RGS7: variants seen among roughly 807,000 people sequenced by gnomAD.
The protein encoded by RGS7 is regulator of G-protein signaling 7.
A neutral mutation model predicts 81.1 loss-of-function variants in RGS7; 27 were observed. That is an observed-to-expected ratio of 0.33 (90% confidence interval 0.25 to 0.46). RGS7 has a LOEUF of 0.46. RGS7 is among the 20% of genes least tolerant of loss of function. RGS7 has a pLI of 1.00. For missense variants in RGS7, 396 were observed against 607.4 expected (o/e 0.65, Z 3.66); for synonymous variants, 208 against 207.7 (o/e 1.00, Z -0.01).
intron 2 of RGS7, among the ~76,000 whole-genome samples, chr1:241,266,980 T>C (rs2077625009): frequency 6.6e-6 from 1 of 152,194 alleles, no homozygotes; most frequent in Non-Finnish European, 1.5e-5. Flanking sequence ...GCAAGTAAAG[T>C]CTGGGTCTGC....
chr1:240,802,056 T>C (rs974097568), intron 16 of RGS7, among the ~76,000 whole-genome samples: 1 of 152,166 alleles, frequency 6.6e-6, no homozygotes, highest in African/African-American at 2.4e-5. Context: ...CAGTCCCACG[T>C]GGCTAGTGAC....
chr1:241,009,044 C>T (rs1313901559), intron 3 of RGS7, among the ~76,000 whole-genome samples: 3 of 151,220 alleles, frequency 2.0e-5, no homozygotes, highest in East Asian at 3.9e-4. Flanking sequence ...TACATTGTTT[C>T]GTAAAATGTA....
chr1:240,891,197 T>C, intron 6 of RGS7, among the ~76,000 whole-genome samples: 1 of 115,624 alleles, frequency 8.6e-6, no homozygotes, highest in Non-Finnish European at 2.0e-5. Flanking sequence ...TTTTCCAGCA[T>C]CACTGGGGGG....
At chr1:240,975,906 C>T (rs966016641) in intron 4 of RGS7, among the ~76,000 whole-genome samples, 22 of 143,532 alleles carry the variant, frequency 1.5e-4, no homozygotes, top group Admixed American at 1.4e-3. Flanking sequence ...CACAGTCCTG[C>T]GTCTGTGCAT....
intron 6 of RGS7, among the ~76,000 whole-genome samples, chr1:240,879,622 T>C (rs1666049793): frequency 6.6e-6 from 1 of 152,216 alleles, no homozygotes; most frequent in African/African-American, 2.4e-5. Context: ...AACTGGAAAG[T>C]GACAAAACTT....
At chr1:241,200,897 C>T (rs1459145308) in intron 2 of RGS7, among the ~76,000 whole-genome samples, 1 of 152,200 alleles carries the variant, frequency 6.6e-6, no homozygotes, top group East Asian at 1.9e-4. Context: ...CATGTCCAGA[C>T]TTCCAAGTGC....
chr1:241,291,484 T>C (rs1278937541), intron 2 of RGS7, among the ~76,000 whole-genome samples: 1 of 151,686 alleles, frequency 6.6e-6, no homozygotes. Flanking sequence ...AGATATACTA[T>C]TAATATAAAA....
At chr1:240,946,494 G>A (rs1198993985) in intron 4 of RGS7, among the ~76,000 whole-genome samples, 1 of 151,920 alleles carries the variant, frequency 6.6e-6, no homozygotes, top group African/African-American at 2.4e-5. Flanking sequence ...GTGGTCCCAG[G>A]TACTTGGGAG....
At chr1:241,259,171 C>A (rs978503089) in intron 2 of RGS7, among the ~76,000 whole-genome samples, 1 of 152,144 alleles carries the variant, frequency 6.6e-6, no homozygotes, top group Non-Finnish European at 1.5e-5. Flanking sequence ...ACATGAACAT[C>A]CGTTCAATTT....
At position 241,227,570 on chromosome 1, in the gene RGS7, C is replaced by CAAAAAAAAAAAAAA. The variant is rs5782179; in HGVS notation, c.78+128115_78+128128dup. 3.4e-4 allele frequency among the ~76,000 whole-genome samples: 35 copies of CAAAAAAAAAAAAAA among 103,646 alleles called. 1 individual carries two copies. Among genetic ancestry groups the CAAAAAAAAAAAAAA allele is most frequent in the East Asian group, 8.4e-4 (3 of 3,584 alleles). 68.0% of individuals were successfully genotyped at this position (103,646 alleles called of 152,430 possible). On this transcript the variant is annotated intron_variant, in intron 2 of 18. Coordinates refer to ENST00000440928, the MANE Select transcript of RGS7 (RefSeq NM_001364886.1). Reference sequence around the variant, plus strand: ...ACACACAGTGAGACTCTGTCTCTACCAAAAAAAAAAAAAAAAAAATAGAAC... The same window carrying CAAAAAAAAAAAAAA: ...ACACACAGTGAGACTCTGTCTCTACCAAAAAAAAAAAAAAAAAAAAAAAAAAAAAAAAATAGAAC...
At chr1:240,968,656 A>G (rs1682723780) in intron 4 of RGS7, among the ~76,000 whole-genome samples, 1 of 152,006 alleles carries the variant, frequency 6.6e-6, no homozygotes, top group Non-Finnish European at 1.5e-5. Flanking sequence ...AGGTTTTTAG[A>G]CTCATTATTT....
chr1:240,784,248 G>A lies in RGS7; in HGVS notation c.*7-8035C>T, dbSNP rs750898815. ...ACACAGTAGTCTTTTCTAGTATACA[G>A]GACACTGAAGAGATTGAGCAGAAAT... On this transcript the variant is annotated intron_variant, in intron 18 of 18. Coordinates refer to ENST00000440928, the MANE Select transcript of RGS7 (RefSeq NM_001364886.1). 1.2e-4 allele frequency among the ~76,000 whole-genome samples: 19 copies of A among 152,054 alleles called. 1 individual carries two copies. Among genetic ancestry groups the A allele is most frequent in the Middle Eastern group, 3.4e-3 (1 of 292 alleles).
chr1:241,190,192 TTA>T (rs2072529735), intron 2 of RGS7, among the ~76,000 whole-genome samples: 1 of 152,180 alleles, frequency 6.6e-6, no homozygotes, highest in Non-Finnish European at 1.5e-5. Context: ...GCTAGTGGAT[TTA>T]TGTGTCTGTT....
At chr1:241,295,214 C>T (rs1237244000) in intron 2 of RGS7, among the ~76,000 whole-genome samples, 14 of 151,996 alleles carry the variant, frequency 9.2e-5, no homozygotes, top group South Asian at 2.1e-4. Context: ...TTTGGGAGGC[C>T]AAGGCGGGCG....
intron 4 of RGS7, among the ~76,000 whole-genome samples, chr1:240,970,844 T>G (rs890085390): frequency 1.3e-5 from 2 of 152,042 alleles, no homozygotes; most frequent in Non-Finnish European, 2.9e-5. Context: ...ATTAGCGTGG[T>G]GGTGTGCCCT....
At chr1:240,995,364 G>T (rs1236352602) in intron 3 of RGS7, among the ~76,000 whole-genome samples, 1 of 152,156 alleles carries the variant, frequency 6.6e-6, no homozygotes, top group African/African-American at 2.4e-5. Flanking sequence ...TGAATTGAGA[G>T]ATATTCTCTC....
At chr1:241,296,735 AGACACTGCTGTGTGG>A (rs1263877029) in intron 2 of RGS7, among the ~76,000 whole-genome samples, 4 of 152,216 alleles carry the variant, frequency 2.6e-5, no homozygotes, top group Non-Finnish European at 5.9e-5. Context: ...TTGTTCTTTC[AGACACTGCTGTGTGG>A]GACTCAGTCT....
intron 18 of RGS7, among the ~76,000 whole-genome samples, chr1:240,796,353 T>C (rs1687061314): frequency 6.6e-6 from 1 of 152,202 alleles, no homozygotes. Flanking sequence ...CATTTACATT[T>C]GCTCCTATCA....
intron 2 of RGS7, among the ~76,000 whole-genome samples, chr1:241,302,407 G>A (rs939212246): frequency 6.6e-6 from 1 of 152,160 alleles, no homozygotes; most frequent in African/African-American, 2.4e-5. Context: ...AAATTAGCCA[G>A]GCATGGTTGC....
Sources: gnomAD v4.1 joint callset for allele counts (sites outside exome capture counted in the v4.1 genomes callset) on GRCh38, gnomAD v4.1.1 for gene constraint, MANE v1.5 for transcripts, NCBI Gene and HGNC (gene_info 2026-07-23, HGNC 2026-07-21) for gene names.